MCOLN1: variants seen among roughly 807,000 people sequenced by gnomAD.
The protein encoded by MCOLN1 is mucolipin TRP cation channel 1, also known as mucolipin-1.
A neutral mutation model predicts 70.3 loss-of-function variants in MCOLN1; 50 were observed. The ratio of observed to expected loss-of-function variants is 0.71; its 90% confidence interval spans 0.57 to 0.90. The LOEUF is 0.90. MCOLN1 is among the 40% of genes least tolerant of loss of function. The pLI, the probability that MCOLN1 is intolerant of heterozygous loss-of-function variation, is 0.00. For synonymous variants in MCOLN1, 366 were observed against 341.0 expected (o/e 1.07, Z -0.81); for missense variants, 598 against 803.5 (o/e 0.74, Z 3.09).
At position 7,528,946 on chromosome 19, in the gene MCOLN1, C is replaced by T. The variant is rs376754721; in HGVS notation, c.1110C>T (p.Ile370=). 1.5e-5 allele frequency: 24 copies of T among 1,614,172 alleles called. No individual in the cohort carries two copies. Among genetic ancestry groups the T allele is most frequent in the East Asian group, 2.2e-5 (1 of 44,874 alleles). Residue 370 remains isoleucine, a synonymous_variant, in exon 9 of 14, where the codon ATC becomes ATT. Coordinates refer to ENST00000264079, the MANE Select transcript of MCOLN1 (RefSeq NM_020533.3). This position sits in a 1 kb window ranked among gnomAD's most constrained non-coding sequence, Gnocchi z 4.2. The part of the protein sequence containing the change: ...TSDVLTISGT[I]MKIGIEAKNL... ...ATGTGCTCACCATCTCGGGCACCAT[C>T]ATGAAGATCGGCATCGAGGCCAAGG...
chr19:7,527,099 A>ACCTT lies in MCOLN1; in HGVS notation c.571+174_571+177dup. ...AGACCAGCCTGGGCCACGTAGGAAG[A>ACCTT]CCTTGTCTCTACGCACAAACAAATT... On this transcript the variant is annotated intron_variant, in intron 4 of 13. Coordinates refer to ENST00000264079, the MANE Select transcript of MCOLN1 (RefSeq NM_020533.3). 6 of 800,798 alleles carry ACCTT rather than the reference A, an allele frequency of 7.5e-6. No homozygotes were observed. The South Asian group carries it at 8.8e-5, about 12-fold the overall frequency. The allele number at this position is 800,798 out of a possible 1,614,324, so 49.6% of individuals were successfully genotyped here.
Position 7,529,193 on chromosome 19 carries a change from C to G in MCOLN1, c.1227C>G (p.His409Gln). Residue 409 changes from histidine (H) to glutamine (Q), a missense_variant, in exon 10 of 14, where the codon CAC becomes CAG. This residue lies in a region of MCOLN1 where 461 missense variants were observed against 588.4 expected (regional missense o/e 0.78). Transcript: ENST00000264079. ...VGVIRYLTFF[H>Q]NYNILIATLR... Reference sequence around the variant, plus strand: ...TGATCCGCTACCTGACCTTCTTCCACAACTACAATGTGAGTTTTGCACATG... The same window carrying G: ...TGATCCGCTACCTGACCTTCTTCCAGAACTACAATGTGAGTTTTGCACATG... The G allele has an allele frequency of 6.2e-7, 1 of 1,612,622 alleles. No homozygotes were observed. The highest frequency in any genetic ancestry group is 8.5e-7 in the Non-Finnish European group (1 of 1,179,844).
intron 11 of MCOLN1, 119 bp from the exon 12 acceptor site, chr19:7,530,167 C>T (rs758551438): frequency 7.2e-6 from 3 of 413,970 alleles, no homozygotes; most frequent in Non-Finnish European, 1.3e-5. Flanking sequence ...GGGACCCGGC[C>T]ATTCATGTGG....
rs2022567851 is a variant in MCOLN1 at position 7,526,391 on chromosome 19, C to T, written c.238-48C>T. ...GGGCCTGTGCCCTGAGGGAGATACA[C>T]CCCAACCCCCATCCTAGCCATGCCA... On this transcript the variant is annotated intron_variant, in intron 2 of 13. Coordinates refer to ENST00000264079, the MANE Select transcript of MCOLN1 (RefSeq NM_020533.3). This position sits in a 1 kb window ranked among gnomAD's most constrained non-coding sequence, Gnocchi z 4.6. The T allele has an allele frequency of 1.9e-6, 3 of 1,611,046 alleles. No individual in the cohort carries two copies. The highest frequency in any genetic ancestry group is 1.7e-6 in the Non-Finnish European group (2 of 1,177,172).
rs747593920 is a variant in MCOLN1 at position 7,528,621 on chromosome 19, T to C, written c.902T>C (p.Phe301Ser). 7.4e-6 allele frequency: 12 copies of C among 1,614,252 alleles called. No individual in the cohort carries two copies. The highest frequency in any genetic ancestry group is 9.3e-6 in the Non-Finnish European group (11 of 1,180,044). ...QHGDNSFRLL[F>S]DVVVILTCSL... The stretch of plus-strand genomic sequence containing the variant: ...GGAGACAACAGCTTCCGGCTCCTGT[T>C]TGACGTGGTGGTCATCCTCACCTGC... Residue 301 changes from phenylalanine (F) to serine (S), a missense_variant, in exon 8 of 14, where the codon TTT (phenylalanine) becomes TCT (serine). Physicochemically the swap from Phe to Ser is radical, Grantham distance 155 (BLOSUM62 -2). Around this residue, in one of 3 missense-constraint regions of MCOLN1, gnomAD observed 461 missense variants for 588.4 expected, o/e 0.78. Transcript: ENST00000264079. The surrounding 1 kb of genome is among the most constrained non-coding windows in gnomAD (Gnocchi z 4.2).
At position 7,524,888 on chromosome 19, in the gene MCOLN1, C is replaced by A; in HGVS notation, c.32-73C>A. On this transcript the variant is annotated intron_variant, in intron 1 of 13. Coordinates refer to ENST00000264079, the MANE Select transcript of MCOLN1 (RefSeq NM_020533.3). This position sits in a 1 kb window ranked among gnomAD's most constrained non-coding sequence, Gnocchi z 4.1. ...GGACATGAAGATAGGGCGTGTGCTG[C>A]CTTCCTGGTTGGAGAAAGGGGAAAA... 7.9e-7 allele frequency: 1 copy of A among 1,267,718 alleles called. No individual in the cohort carries two copies. Among genetic ancestry groups the A allele is most frequent in the Non-Finnish European group, 1.1e-6 (1 of 873,492 alleles). 78.5% of individuals were successfully genotyped at this position (1,267,718 alleles called of 1,614,324 possible). A position where few individuals can be genotyped will look rare whatever the true frequency, so the allele number is the denominator to read the frequency against.
At position 7,533,856 on chromosome 19, in the gene MCOLN1, C is replaced by G. The variant is rs751680912; in HGVS notation, c.*61C>G. ...CTGCAGAGACCCCCGCCCCCGACCC[C>G]GCTTATTTATTTGTAGGGTTTGCTT... On this transcript the variant is annotated 3_prime_UTR_variant, in exon 14 of 14. Transcript: ENST00000264079. 3.1e-6 allele frequency: 5 copies of G among 1,587,712 alleles called. No individual in the cohort carries two copies. The African/African-American group carries it at 4.0e-5, about 13-fold the overall frequency.
In MCOLN1 at chr19:7,528,119, G is replaced by A; in HGVS notation, c.778-39G>A. The A allele has an allele frequency of 6.2e-7, 1 of 1,603,228 alleles. No homozygotes were observed. Among genetic ancestry groups the A allele is most frequent in the Middle Eastern group, 1.7e-4 (1 of 6,038 alleles). ...TGTCATGTGGACCTTGGGGCTTGGG[G>A]CTGCCAAGGTTTACTCTGCCCCCAA... is the stretch of plus-strand genomic sequence containing the variant. On this transcript the variant is annotated intron_variant, in intron 6 of 13. Transcript: ENST00000264079. The surrounding 1 kb of genome is among the most constrained non-coding windows in gnomAD (Gnocchi z 4.2).
In MCOLN1 at chr19:7,526,154, G is replaced by C. The variant is rs146268895; in HGVS notation, c.238-285G>C. On this transcript the variant is annotated intron_variant, in intron 2 of 13. Coordinates refer to ENST00000264079, the MANE Select transcript of MCOLN1 (RefSeq NM_020533.3). The surrounding 1 kb of genome is among the most constrained non-coding windows in gnomAD (Gnocchi z 4.6). ...GACATCCAGTAAACATTTAATGAAC[G>C]TTAGTCCCTGCAGTGAGATAGATGA... 1.9e-6 allele frequency: 1 copy of C among 518,172 alleles called. No individual in the cohort carries two copies. Among genetic ancestry groups the C allele is most frequent in the African/African-American group, 1.9e-5 (1 of 52,038 alleles). 32.1% of individuals were successfully genotyped at this position (518,172 alleles called of 1,614,324 possible).
rs1555742748 is a variant in MCOLN1, at chr19:7,533,471, C to T, written c.1576-52C>T. Reference sequence around the variant, plus strand: ...GGAGGGGAGGGCGGACTTCAAGGGCCTTGGAGGTTGGGAGCCACTTTCAGG... The same window carrying T: ...GGAGGGGAGGGCGGACTTCAAGGGCTTTGGAGGTTGGGAGCCACTTTCAGG... On this transcript the variant is annotated intron_variant, in intron 12 of 13. Transcript: ENST00000264079. 4 of 1,606,748 alleles carry T rather than the reference C, an allele frequency of 2.5e-6. No homozygotes were observed. The South Asian group carries it at 4.4e-5, about 18-fold the overall frequency.
chr19:7,524,919 G>A lies in MCOLN1; in HGVS notation c.32-42G>A. ...TGGTTGGAGAAAGGGGAAAAGGGGA[G>A]TTGCCCAGGCCTCACCCCAGTGCCC... On this transcript the variant is annotated intron_variant, in intron 1 of 13. Transcript: ENST00000264079. The surrounding 1 kb of genome is among the most constrained non-coding windows in gnomAD (Gnocchi z 4.1). The A allele has an allele frequency of 6.5e-7, 1 of 1,542,936 alleles. No homozygotes were observed. The highest frequency in any genetic ancestry group is 8.9e-7 in the Non-Finnish European group (1 of 1,117,638).
At position 7,525,307 on chromosome 19, in the gene MCOLN1, C is replaced by A; in HGVS notation, c.237+141C>A. 1 of 763,150 alleles carries A rather than the reference C, an allele frequency of 1.3e-6. No individual in the cohort carries two copies. The highest frequency in any genetic ancestry group is 2.2e-6 in the Non-Finnish European group (1 of 444,560). The allele number at this position is 763,150 out of a possible 1,614,324, so 47.3% of individuals were successfully genotyped here. A position where few individuals can be genotyped will look rare whatever the true frequency, so the allele number is the denominator to read the frequency against. ...GGGAGTTCAAGACCAGTCTGGCCAG[C>A]ATGGTGAAACCCCATCTCTACTAAA... On this transcript the variant is annotated intron_variant, in intron 2 of 13. Coordinates refer to ENST00000264079, the MANE Select transcript of MCOLN1 (RefSeq NM_020533.3). This position sits in a 1 kb window ranked among gnomAD's most constrained non-coding sequence, Gnocchi z 4.2.
rs1164292867 is a variant in MCOLN1 at position 7,526,299 on chromosome 19, G to A, written c.238-140G>A. ...ATGCACAAGTGAAATCCGTGTTTGT[G>A]GCCCAAGTTAGCAGGGCCCTGCCCC... is the stretch of plus-strand genomic sequence containing the variant. On this transcript the variant is annotated intron_variant, in intron 2 of 13. Coordinates refer to ENST00000264079, the MANE Select transcript of MCOLN1 (RefSeq NM_020533.3). This position sits in a 1 kb window ranked among gnomAD's most constrained non-coding sequence, Gnocchi z 4.6. The A allele has an allele frequency of 7.5e-6, 7 of 935,794 alleles. No individual in the cohort carries two copies. The highest frequency in any genetic ancestry group is 1.2e-5 in the Non-Finnish European group (7 of 576,848). The allele number at this position is 935,794 out of a possible 1,614,324, so 58.0% of individuals were successfully genotyped here. A position where few individuals can be genotyped will look rare whatever the true frequency, so the allele number is the denominator to read the frequency against.
In MCOLN1 at chr19:7,528,015, C is replaced by T. The variant is rs1599254524; in HGVS notation, c.777+55C>T. On this transcript the variant is annotated intron_variant, in intron 6 of 13. Coordinates refer to ENST00000264079, the MANE Select transcript of MCOLN1 (RefSeq NM_020533.3). The surrounding 1 kb of genome is among the most constrained non-coding windows in gnomAD (Gnocchi z 4.2). ...CTGAGTTCCAGGGCAGGGACCTGGTCAGGGAGTGTCTTGGGAGCACTGGCC... is the reference window on the plus strand; with the variant it reads ...CTGAGTTCCAGGGCAGGGACCTGGTTAGGGAGTGTCTTGGGAGCACTGGCC... 6.4e-7 allele frequency: 1 copy of T among 1,556,340 alleles called. No individual in the cohort carries two copies. The highest frequency in any genetic ancestry group is 1.1e-5 in the South Asian group (1 of 89,812).
intron 1 of MCOLN1, among the ~76,000 whole-genome samples, chr19:7,523,730 TG>T (rs1170993084): frequency 1.3e-5 from 2 of 152,132 alleles, no homozygotes; most frequent in African/African-American, 4.8e-5. Context: ...ACCATTAGGC[TG>T]GAAAAAAATA....
chr19:7,529,733 C>T (rs969872799), intron 11 of MCOLN1, 21 bp downstream of exon 11: 1 of 1,613,594 alleles, frequency 6.2e-7, no homozygotes, highest in African/African-American at 1.3e-5. Flanking sequence ...CCCCTGATGT[C>T]CCTGACATTG....
At chr19:7,529,073 G>A (rs755864188) in intron 9 of MCOLN1, 28 bp from the exon 10 acceptor site, 9 of 1,613,610 alleles carry the variant, frequency 5.6e-6, no homozygotes, top group African/African-American at 4.0e-5. Flanking sequence ...GGCTGGGCCA[G>A]ATAGGTTGAC....
At chr19:7,529,501 G>GGGGCCC in intron 10 of MCOLN1, 89 bp from the exon 11 acceptor site, 34 of 747,198 alleles carry the variant, frequency 4.6e-5, no homozygotes, top group Non-Finnish European at 5.3e-5. Context: ...CCTCGGCAAG[G>GGGGCCC]CCCCGCCCCT....
At position 7,522,698 on chromosome 19, in the gene MCOLN1, C is replaced by A; in HGVS notation, c.-53C>A. On this transcript the variant is annotated 5_prime_UTR_variant, in exon 1 of 14. Coordinates refer to ENST00000264079, the MANE Select transcript of MCOLN1 (RefSeq NM_020533.3). ...GGTCGCAGTGACAGCGGCGGGCGAT[C>A]GGACCCAGGCTGCCCCGCCGTACCC... is the stretch of plus-strand genomic sequence containing the variant. 2 of 1,429,510 alleles carry A rather than the reference C, an allele frequency of 1.4e-6. No individual in the cohort carries two copies. The highest frequency in any genetic ancestry group is 1.8e-6 in the Non-Finnish European group (2 of 1,093,970). The allele number at this position is 1,429,510 out of a possible 1,614,324, so 88.6% of individuals were successfully genotyped here.
Sources: gnomAD v4.1 joint callset for allele counts (sites outside exome capture counted in the v4.1 genomes callset) on GRCh38, gnomAD v4.1.1 for gene constraint, gnomAD v4.1.1 regional missense constraint, Gnocchi (gnomAD v3.1) non-coding constraint, MANE v1.5 for transcripts, NCBI Gene and HGNC (gene_info 2026-07-23, HGNC 2026-07-21) for gene names.